Variants in ZCCHC24 observed in about 807,000 individuals in gnomAD.
ZCCHC24 encodes zinc finger CCHC-type containing 24.
Under a neutral mutation model 26.2 loss-of-function variants are expected in ZCCHC24, and 10 were observed. That is an observed-to-expected ratio of 0.38 (90% CI 0.24 to 0.65). The LOEUF (loss-of-function observed/expected upper bound fraction) is 0.65. ZCCHC24 is among the 30% of genes least tolerant of loss of function. The pLI, the probability that ZCCHC24 is intolerant of heterozygous loss-of-function variation, is 0.54. For missense variants in ZCCHC24, 243 were observed against 329.1 expected, an observed-to-expected ratio of 0.74 and a Z score of 2.03; for synonymous variants, 144 against 147.1, an observed-to-expected ratio of 0.98 and a Z score of 0.15.
intron 2 of ZCCHC24, among the ~76,000 whole-genome samples, chr10:79,398,102 C>G (rs938802430): frequency 6.6e-6 from 1 of 152,234 alleles, no homozygotes; most frequent in African/African-American, 2.4e-5. Context: ...GGGGCCCCAG[C>G]CTCCTGCAGG....
At chr10:79,421,100 A>G (rs537509309) in intron 2 of ZCCHC24, among the ~76,000 whole-genome samples, 3 of 152,274 alleles carry the variant, frequency 2.0e-5, no homozygotes, top group Non-Finnish European at 4.4e-5. Flanking sequence ...CAGGGCAAGG[A>G]GGAGAGCCTC....
At chr10:79,409,030 T>C (rs1011622875) in intron 2 of ZCCHC24, 5 of 152,184 alleles carry the variant, frequency 3.3e-5, no homozygotes, top group Non-Finnish European at 7.3e-5. Context: ...CAGGCAAGAA[T>C]GGTGTGATTT....
At chr10:79,412,921 CA>C (rs1478232269) in intron 2 of ZCCHC24, among the ~76,000 whole-genome samples, 1 of 152,192 alleles carries the variant, frequency 6.6e-6, no homozygotes, top group Non-Finnish European at 1.5e-5. Flanking sequence ...TAACAATAGC[CA>C]CCATCAACAT....
At chr10:79,406,681 C>T (rs1000718073) in intron 2 of ZCCHC24, among the ~76,000 whole-genome samples, 1 of 152,200 alleles carries the variant, frequency 6.6e-6, no homozygotes, top group African/African-American at 2.4e-5. Context: ...CCTGTAACCC[C>T]TACAGATGAG....
At chr10:79,444,995 G>A (rs1238116989) in intron 1 of ZCCHC24, among the ~76,000 whole-genome samples, 200 bp downstream of exon 1, 3 of 152,200 alleles carry the variant, frequency 2.0e-5, no homozygotes, top group East Asian at 1.9e-4. Context: ...GGGCTCAGCC[G>A]GGAGGTGACG....
At chr10:79,415,768 T>A (rs1230174770) in intron 2 of ZCCHC24, among the ~76,000 whole-genome samples, 1 of 152,118 alleles carries the variant, frequency 6.6e-6, no homozygotes. Context: ...TTAATTCTGA[T>A]GCACTCATAT....
chr10:79,427,143 C>G (rs1857040179), intron 2 of ZCCHC24, among the ~76,000 whole-genome samples: 1 of 151,070 alleles, frequency 6.6e-6, no homozygotes, highest in African/African-American at 2.4e-5. Context: ...CAAGAAGATA[C>G]AACAACTATA....
rs201774188 is a variant in ZCCHC24, at chr10:79,427,649, A to G, written c.447+4909T>C. Among the ~76,000 whole-genome samples, 5 of 152,204 alleles carry G rather than the reference A, an allele frequency of 3.3e-5. 1 individual carries two copies. The East Asian group carries it at 7.7e-4, about 23-fold the overall frequency. ...AAAAAATGCCCTGTGATAAATGAAAATAAGATACAATATACCAAAACTTAT... is the reference window on the plus strand; with the variant it reads ...AAAAAATGCCCTGTGATAAATGAAAGTAAGATACAATATACCAAAACTTAT... On this transcript the variant is annotated intron_variant, in intron 2 of 3. Coordinates refer to ENST00000372336, the MANE Select transcript of ZCCHC24 (RefSeq NM_153367.4).
intron 2 of ZCCHC24, among the ~76,000 whole-genome samples, chr10:79,430,622 G>A (rs938925821): frequency 2.0e-5 from 3 of 151,630 alleles, no homozygotes; most frequent in Non-Finnish European, 4.4e-5. Context: ...GCATTTAGAA[G>A]AGCGCTGGCC....
intron 2 of ZCCHC24, among the ~76,000 whole-genome samples, chr10:79,402,962 C>T (rs1017500690): frequency 1.3e-5 from 2 of 152,238 alleles, no homozygotes; most frequent in East Asian, 3.8e-4. Flanking sequence ...CCACTCTGCA[C>T]CAGGCTCTGT....
intron 2 of ZCCHC24, among the ~76,000 whole-genome samples, chr10:79,406,450 C>T (rs1320684089): frequency 6.6e-6 from 1 of 152,166 alleles, no homozygotes; most frequent in Non-Finnish European, 1.5e-5. Flanking sequence ...CCCCTGCTGA[C>T]CCTGCTTCTT....
chr10:79,418,117 C>A (rs565956171), intron 2 of ZCCHC24, among the ~76,000 whole-genome samples: 17 of 152,344 alleles, frequency 1.1e-4, no homozygotes, highest in African/African-American at 4.1e-4. Context: ...CTCACAGCAG[C>A]CACCAAGGCC....
At chr10:79,404,296 G>T (rs1856679089) in intron 2 of ZCCHC24, among the ~76,000 whole-genome samples, 2 of 152,314 alleles carry the variant, frequency 1.3e-5, no homozygotes, top group South Asian at 4.1e-4. Flanking sequence ...GTAATCTCAG[G>T]CAAAACTTTT....
intron 2 of ZCCHC24, among the ~76,000 whole-genome samples, chr10:79,399,967 T>A (rs1223229870): frequency 6.6e-6 from 1 of 152,196 alleles, no homozygotes; most frequent in Non-Finnish European, 1.5e-5. Context: ...GGGAGGCTGC[T>A]GAGGGGGCCT....
At chr10:79,415,712 G>A (rs1279325873) in intron 2 of ZCCHC24, among the ~76,000 whole-genome samples, 1 of 152,154 alleles carries the variant, frequency 6.6e-6, no homozygotes, top group Admixed American at 6.5e-5. Context: ...CTCATCAGAG[G>A]TTGTTGGAGT....
chr10:79,440,647 G>A (rs908802993), intron 1 of ZCCHC24, among the ~76,000 whole-genome samples: 1 of 152,146 alleles, frequency 6.6e-6, no homozygotes, highest in South Asian at 2.1e-4. Context: ...GACTTGCCAG[G>A]CCTCTGTGTC....
Position 79,384,213 on chromosome 10 carries a change from C to T in ZCCHC24, c.*2132G>A, listed in dbSNP as rs1467642167. ...CACTTTGGGGTGATATCCCAACTCC[C>T]CTTAGCCCGTGCAGGGAAGCCCTGG... On this transcript the variant is annotated 3_prime_UTR_variant, in exon 4 of 4. Transcript: ENST00000372336. The T allele has an allele frequency of 6.6e-6, 1 of 152,400 alleles. No homozygotes were observed. The highest frequency in any genetic ancestry group is 2.4e-5 in the African/African-American group (1 of 41,464). 9.4% of individuals were successfully genotyped at this position (152,400 alleles called of 1,614,324 possible). A position where few individuals can be genotyped will look rare whatever the true frequency, so the allele number is the denominator to read the frequency against.
At chr10:79,400,371 T>G (rs945331664) in intron 2 of ZCCHC24, among the ~76,000 whole-genome samples, 1 of 152,178 alleles carries the variant, frequency 6.6e-6, no homozygotes, top group African/African-American at 2.4e-5. Flanking sequence ...GTTATACCCT[T>G]TGGATGAATG....
At chr10:79,427,996 T>C (rs1423608860) in intron 2 of ZCCHC24, among the ~76,000 whole-genome samples, 1 of 152,102 alleles carries the variant, frequency 6.6e-6, no homozygotes, top group Non-Finnish European at 1.5e-5. Flanking sequence ...AAACTAAATC[T>C]AAAGCAAGCT....
Sources: gnomAD v4.1 joint callset for allele counts (sites outside exome capture counted in the v4.1 genomes callset) on GRCh38, gnomAD v4.1.1 for gene constraint, MANE v1.5 for transcripts, NCBI Gene and HGNC (gene_info 2026-07-23, HGNC 2026-07-21) for gene names.